The following ABCE1 variants were observed in gnomAD, a reference collection of about 807,000 sequenced individuals.
ABCE1 encodes ATP binding cassette subfamily E member 1, also known as ATP-binding cassette sub-family E member 1.
Under a neutral mutation model 83.4 loss-of-function variants are expected in ABCE1, and 22 were observed. The observed-to-expected ratio is 0.26, with a 90% CI of 0.19 to 0.38. ABCE1 has a LOEUF of 0.38. Ranked by LOEUF, ABCE1 falls within the 10% of genes least tolerant of loss-of-function variation. The pLI is 1.00. For synonymous variants in ABCE1, 204 were observed against 233.7 expected (o/e 0.87, Z 1.16); for missense variants, 330 against 721.9 (o/e 0.46, Z 6.22).
intron 7 of ABCE1, 31 bp from the exon 8 acceptor site, chr4:145,110,937 A>G (rs1749453336): frequency 6.8e-7 from 1 of 1,479,764 alleles, no homozygotes; most frequent in Non-Finnish European, 9.3e-7. Context: ...GGTGAAATAC[A>G]TTGAGCACAA....
intron 2 of ABCE1, among the ~76,000 whole-genome samples, chr4:145,105,309 A>G (rs6834064): frequency 6.6e-6 from 1 of 152,060 alleles, no homozygotes; most frequent in African/African-American, 2.4e-5. Context: ...ATATTTCAGG[A>G]TATGTCATAC....
At chr4:145,100,508 G>A (rs1452086415) in intron 1 of ABCE1, among the ~76,000 whole-genome samples, 2 of 152,226 alleles carry the variant, frequency 1.3e-5, no homozygotes, top group African/African-American at 4.8e-5. Flanking sequence ...TTGTAGAAAG[G>A]CATTCAGTAT....
In ABCE1 at chr4:145,129,060, A is replaced by G. The variant is rs1749969470; in HGVS notation, c.*1487A>G. On this transcript the variant is annotated 3_prime_UTR_variant, in exon 18 of 18. Coordinates refer to ENST00000296577, the MANE Select transcript of ABCE1 (RefSeq NM_002940.3). Reference sequence around the variant, plus strand: ...AATATGTAAAGGGTTTGTTTTGTATACAAATGGGATTATACTAAAATAAGT... The same window carrying G: ...AATATGTAAAGGGTTTGTTTTGTATGCAAATGGGATTATACTAAAATAAGT... The G allele has an allele frequency of 6.6e-6, 1 of 152,192 alleles. No homozygotes were observed. The highest frequency in any genetic ancestry group is 6.5e-5 in the Admixed American group (1 of 15,282). 9.4% of individuals were successfully genotyped at this position (152,192 alleles called of 1,614,324 possible). A position where few individuals can be genotyped will look rare whatever the true frequency, so the allele number is the denominator to read the frequency against.
At chr4:145,103,872 C>T (rs1749221277) in intron 1 of ABCE1, among the ~76,000 whole-genome samples, 1 of 151,750 alleles carries the variant, frequency 6.6e-6, no homozygotes, top group African/African-American at 2.4e-5. Flanking sequence ...GGTAATCCTC[C>T]CACCTCAGCC....
chr4:145,123,124 A>C lies in ABCE1; in HGVS notation c.1367A>C (p.Asp456Ala). 1 of 1,594,290 alleles carries C rather than the reference A, an allele frequency of 6.3e-7. No homozygotes were observed. Among genetic ancestry groups the C allele is most frequent in the South Asian group, 1.2e-5 (1 of 86,270 alleles). The change falls in exon 14 of 18, where the codon GAT becomes GCT. Residue 456 changes from aspartate to alanine, a missense_variant. Transcript: ENST00000296577. ...MKPLQIENII[D>A]QEVQTLSGGE... ...CCTCTGCAAATTGAAAACATCATTGATCAAGAGGTACTTTAACATAATTTT... is the reference window on the plus strand; with the variant it reads ...CCTCTGCAAATTGAAAACATCATTGCTCAAGAGGTACTTTAACATAATTTT...
At chr4:145,100,641 C>T (rs1040222476) in intron 1 of ABCE1, among the ~76,000 whole-genome samples, 1 of 152,194 alleles carries the variant, frequency 6.6e-6, no homozygotes, top group Non-Finnish European at 1.5e-5. Context: ...ATTTCTTCCT[C>T]TTCTAATCTT....
intron 9 of ABCE1, among the ~76,000 whole-genome samples, chr4:145,114,719 A>G (rs1462316011): frequency 3.9e-5 from 6 of 152,030 alleles, no homozygotes; most frequent in Admixed American, 1.3e-4. Flanking sequence ...CCTATATTAT[A>G]AGAGAGAGGA....
Position 145,112,468 on chromosome 4 carries a change from T to G in ABCE1, c.800+140T>G, listed in dbSNP as rs191654213. On this transcript the variant is annotated intron_variant, in intron 9 of 17. Transcript: ENST00000296577. ...TTATAGCTGCCACCTAAATTTACCT[T>G]TCTTTACCTAGAACAGAGGTTCTCA... is the stretch of plus-strand genomic sequence containing the variant. 1.5e-4 allele frequency: 97 copies of G among 648,452 alleles called. No homozygotes were observed. The East Asian group carries it at 2.6e-3, about 17-fold the overall frequency. 40.2% of individuals were successfully genotyped at this position (648,452 alleles called of 1,614,324 possible).
At chr4:145,122,946 T>A (rs1579222964) in intron 13 of ABCE1, 75 bp from the exon 14 acceptor site, 1 of 1,035,770 alleles carries the variant, frequency 9.7e-7, no homozygotes, top group East Asian at 2.6e-5. Flanking sequence ...GAAGCTTAAC[T>A]TTGTCAAGAT....
At chr4:145,126,038 C>T (rs1260751041) in intron 17 of ABCE1, among the ~76,000 whole-genome samples, 1 of 152,100 alleles carries the variant, frequency 6.6e-6, no homozygotes, top group East Asian at 1.9e-4. Flanking sequence ...GAGTCTCTGT[C>T]CCTGCCCCCG....
Position 145,104,390 on chromosome 4 carries a change from G to C in ABCE1, c.-23G>C, listed in dbSNP as rs188048067. On this transcript the variant is annotated 5_prime_UTR_variant, in exon 2 of 18. Transcript: ENST00000296577. ...TTGTTGATTTTTCTTTCATAGAAGA[G>C]CTGGATATTCTTTCGCCCAGTTATG... The C allele has an allele frequency of 4.3e-5, 65 of 1,515,186 alleles. No individual in the cohort carries two copies. The African/African-American group carries it at 8.8e-4, about 20-fold the overall frequency. The allele number at this position is 1,515,186 out of a possible 1,614,324, so 93.9% of individuals were successfully genotyped here.
rs1372908242 is a variant in ABCE1 at position 145,110,590 on chromosome 4, C to T, written c.613+146C>T. The stretch of plus-strand genomic sequence containing the variant: ...TCCCGGGTTCAAGCGATACTCCTGC[C>T]TCAGCCTCCCAAGTAGCTGGGATTA... On this transcript the variant is annotated intron_variant, in intron 7 of 17. Coordinates refer to ENST00000296577, the MANE Select transcript of ABCE1 (RefSeq NM_002940.3). The T allele has an allele frequency of 1.9e-5, 14 of 754,256 alleles. No homozygotes were observed. The South Asian group carries it at 2.6e-4, about 14-fold the overall frequency. The allele number at this position is 754,256 out of a possible 1,614,324, so 46.7% of individuals were successfully genotyped here. A position where few individuals can be genotyped will look rare whatever the true frequency, so the allele number is the denominator to read the frequency against.
chr4:145,123,150 TTTTA>T lies in ABCE1; in HGVS notation c.1374+23_1374+26del, dbSNP rs775899198. ...TCAAGAGGTACTTTAACATAATTTT[TTTTA>T]TTTTTTTATTATTTTGAATTTTGGA... On this transcript the variant is annotated intron_variant, in intron 14 of 17. Transcript: ENST00000296577. The T allele has an allele frequency of 1.9e-6, 3 of 1,577,152 alleles. No individual in the cohort carries two copies. Among genetic ancestry groups the T allele is most frequent in the Non-Finnish European group, 2.6e-6 (3 of 1,168,176 alleles).
At chr4:145,126,444 C>G (rs1370652386) in intron 17 of ABCE1, among the ~76,000 whole-genome samples, 1 of 152,088 alleles carries the variant, frequency 6.6e-6, no homozygotes, top group African/African-American at 2.4e-5. Context: ...CAGGTGCCCA[C>G]CACCACACCC....
chr4:145,119,808 G>T, intron 10 of ABCE1, 124 bp from the exon 11 acceptor site: 1 of 661,878 alleles, frequency 1.5e-6, no homozygotes, highest in Middle Eastern at 2.5e-4. Flanking sequence ...TTCTTTATAT[G>T]CAGACCAACA....
intron 2 of ABCE1, among the ~76,000 whole-genome samples, chr4:145,104,854 A>G (rs923748314): frequency 4.6e-5 from 7 of 151,574 alleles, no homozygotes; most frequent in Non-Finnish European, 7.4e-5. Context: ...ACTATAATCA[A>G]TGGGGGAAGG....
At chr4:145,120,536 T>C (rs1749714982) in intron 11 of ABCE1, among the ~76,000 whole-genome samples, 1 of 152,098 alleles carries the variant, frequency 6.6e-6, no homozygotes, top group South Asian at 2.1e-4. Context: ...ATGTGGAACT[T>C]TTCTTATTTT....
Position 145,110,217 on chromosome 4 carries a change from G to T in ABCE1, c.520G>T (p.Asp174Tyr). ...AGCCATCATCAAACCTCAATATGTA[G>T]ACCAGATTCCTAAGGCTGCAAAGGT... ...LKAIIKPQYVDQIPKAAKGTV... is the reference protein window; with the variant it reads ...LKAIIKPQYVYQIPKAAKGTV... The change falls in exon 6 of 18, where the codon GAC (aspartate) becomes TAC (tyrosine). Residue 174 changes from aspartate (D) to tyrosine (Y), a missense_variant. By Grantham distance (160) the Asp-to-Tyr change is radical. Transcript: ENST00000296577. 1 of 1,602,466 alleles carries T rather than the reference G, an allele frequency of 6.2e-7. No individual in the cohort carries two copies. Among genetic ancestry groups the T allele is most frequent in the South Asian group, 1.1e-5 (1 of 87,910 alleles).
Position 145,104,416 on chromosome 4 carries a change from G to C in ABCE1, c.4G>C (p.Ala2Pro). 1 of 1,594,478 alleles carries C rather than the reference G, an allele frequency of 6.3e-7. No homozygotes were observed. Residue 2 changes from alanine (A) to proline (P), a missense_variant, in exon 2 of 18, where the codon GCA becomes CCA. Transcript: ENST00000296577. M[A>P]DKLTRIAIVN... is the part of the protein sequence containing the mutation. ...CTGGATATTCTTTCGCCCAGTTATG[G>C]CAGACAAGTTAACGAGAATTGCTAT...
Sources: allele counts gnomAD v4.1 joint callset (sites outside exome capture counted in the v4.1 genomes callset), GRCh38; gene constraint gnomAD v4.1.1; transcripts MANE v1.5; gene names NCBI Gene and HGNC (gene_info 2026-07-23, HGNC 2026-07-21).